UNC93A: variants seen among roughly 807,000 people sequenced by gnomAD.
The protein encoded by UNC93A is unc-93 homolog A.
UNC93A carries 43 observed loss-of-function variants against 47.5 expected under a neutral mutation model. The ratio of observed to expected loss-of-function variants is 0.91; its 90% CI spans 0.71 to 1.17. The LOEUF (loss-of-function observed/expected upper bound fraction) is 1.17, where lower values mean the gene tolerates loss of function less well. Among genes scored for constraint, UNC93A ranks in the 50% most tolerant of loss-of-function variants. The pLI is 0.00. For synonymous variants in UNC93A, 280 were observed against 258.0 expected, an observed-to-expected ratio of 1.09 and a Z score of -0.82; for missense variants, 605 against 577.6, an observed-to-expected ratio of 1.05 and a Z score of -0.49.
chr6:167,309,407 A>T (rs1267357693), intron 7 of UNC93A, among the ~76,000 whole-genome samples: 1 of 151,644 alleles, frequency 6.6e-6, no homozygotes, highest in African/African-American at 2.4e-5. Context: ...TTCCCAAAAA[A>T]CCCCATCTAA....
At chr6:167,304,402 C>T (rs763787789) in intron 5 of UNC93A, among the ~76,000 whole-genome samples, 20 of 152,168 alleles carry the variant, frequency 1.3e-4, no homozygotes, top group African/African-American at 2.7e-4. Flanking sequence ...GGGAAGGAGC[C>T]GGAACAAGTG....
chr6:167,288,347 C>T (rs564833254), upstream of UNC93A, among the ~76,000 whole-genome samples: 7 of 152,194 alleles, frequency 4.6e-5, no homozygotes, highest in East Asian at 7.7e-4. Context: ...CAGGGGAAGG[C>T]GGAGTGGTCA....
upstream of UNC93A, chr6:167,291,281 C>T (rs942634059): frequency 1.6e-5 from 7 of 440,956 alleles, no homozygotes; most frequent in Admixed American, 1.7e-4. Flanking sequence ...ACAGAGCTCC[C>T]GTATGCTTCA....
chr6:167,276,670 C>T (rs771189260), intron 1 of UNC93A, among the ~76,000 whole-genome samples: 6 of 152,110 alleles, frequency 3.9e-5, no homozygotes, highest in African/African-American at 7.2e-5. Flanking sequence ...GCTGTGGGAT[C>T]CAAGGCATGG....
Position 167,315,578 on chromosome 6 carries a change from T to C in UNC93A, c.*126T>C, listed in dbSNP as rs1302964981. The C allele has an allele frequency of 7.0e-6, 9 of 1,285,694 alleles. No individual in the cohort carries two copies. In the East Asian group the frequency reaches 2.2e-4, roughly 31 times the overall value. The allele number at this position is 1,285,694 out of a possible 1,614,324, so 79.6% of individuals were successfully genotyped here. A position where few individuals can be genotyped will look rare whatever the true frequency, so the allele number is the denominator to read the frequency against. On this transcript the variant is annotated 3_prime_UTR_variant, in exon 8 of 8. Coordinates refer to ENST00000230256, the MANE Select transcript of UNC93A (RefSeq NM_018974.4). ...GCACAATTTGGCCATTCTGAAGAGA[T>C]CATGTTATTTCACTCTTCATGTATT...
At chr6:167,292,130 G>T (rs1046448865) in intron 1 of UNC93A, among the ~76,000 whole-genome samples, 1 of 152,150 alleles carries the variant, frequency 6.6e-6, no homozygotes, top group Non-Finnish European at 1.5e-5. Context: ...CATTCATCAT[G>T]TGCACCTAGA....
At chr6:167,273,101 C>T (rs1783476665) in intron 1 of UNC93A, among the ~76,000 whole-genome samples, 1 of 152,200 alleles carries the variant, frequency 6.6e-6, no homozygotes, top group East Asian at 1.9e-4. Flanking sequence ...GAACGTGCTC[C>T]TCTTACTGCC....
intron 1 of UNC93A, 73 bp downstream of exon 1, chr6:167,291,649 G>T: frequency 7.0e-7 from 1 of 1,436,524 alleles, no homozygotes; most frequent in Non-Finnish European, 9.5e-7. Flanking sequence ...AGACAATAAT[G>T]AATTGGAAAT....
At chr6:167,310,528 T>A (rs969963362) in intron 7 of UNC93A, among the ~76,000 whole-genome samples, 1 of 152,292 alleles carries the variant, frequency 6.6e-6, no homozygotes, top group Non-Finnish European at 1.5e-5. Context: ...TAAGGGATGC[T>A]AATTTAAATT....
intron 1 of UNC93A, 51 bp downstream of exon 1, chr6:167,291,627 C>T: frequency 1.3e-6 from 2 of 1,500,204 alleles, no homozygotes; most frequent in East Asian, 2.3e-5. Flanking sequence ...CTCCAAGAAT[C>T]CCTGTGGTCA....
chr6:167,292,860 A>T (rs1395531762), intron 1 of UNC93A, among the ~76,000 whole-genome samples: 3 of 151,954 alleles, frequency 2.0e-5, no homozygotes, highest in Non-Finnish European at 4.4e-5. Flanking sequence ...GCAGAAGGAG[A>T]CCCTGCTGTC....
chr6:167,292,400 A>G (rs1334707941), intron 1 of UNC93A, among the ~76,000 whole-genome samples: 1 of 152,222 alleles, frequency 6.6e-6, no homozygotes, highest in African/African-American at 2.4e-5. Flanking sequence ...TACTGTGTGC[A>G]TAGTATGGAA....
rs149630634 is a variant in UNC93A at position 167,306,369 on chromosome 6, G to T, written c.976+319G>T. Among the ~76,000 whole-genome samples the T allele has an allele frequency of 4.7e-4, 71 of 152,278 alleles. No homozygotes were observed. The Middle Eastern group carries it at 0.014, about 29-fold the overall frequency. ...CAGGGTCTCTGCAGGTGCAAATGAG[G>T]GACACGAAGCCAGTGGTGAGGCCAT... On this transcript the variant is annotated intron_variant, in intron 6 of 7. Coordinates refer to ENST00000230256, the MANE Select transcript of UNC93A (RefSeq NM_018974.4).
At chr6:167,307,404 A>G (rs139208591) in intron 6 of UNC93A, among the ~76,000 whole-genome samples, 130 of 152,210 alleles carry the variant, frequency 8.5e-4, no homozygotes, top group African/African-American at 2.7e-3. Context: ...ACATTGAGAC[A>G]GTTCCAGAGG....
At chr6:167,297,675 C>T (rs183218799) in intron 3 of UNC93A, among the ~76,000 whole-genome samples, 1 of 152,184 alleles carries the variant, frequency 6.6e-6, no homozygotes, top group African/African-American at 2.4e-5. Context: ...AACAAGTAAC[C>T]AGCACTTTTC....
upstream of UNC93A, among the ~76,000 whole-genome samples, chr6:167,288,452 ACACACACACACACACACACAC>A (rs1783780872): frequency 1.4e-5 from 1 of 69,768 alleles, no homozygotes; most frequent in Non-Finnish European, 2.5e-5. Flanking sequence ...TCTTCCTTAC[ACACACACACACACACACACAC>A]ACACACACAC....
At chr6:167,305,299 A>G (rs1302590059) in intron 5 of UNC93A, among the ~76,000 whole-genome samples, 2 of 152,222 alleles carry the variant, frequency 1.3e-5, no homozygotes, top group African/African-American at 4.8e-5. Context: ...AAGAGTAGAA[A>G]CAGGATAACA....
chr6:167,304,631 C>A (rs180925174), intron 5 of UNC93A, among the ~76,000 whole-genome samples: 1 of 151,834 alleles, frequency 6.6e-6, no homozygotes, highest in African/African-American at 2.4e-5. Context: ...AGTGCAATGG[C>A]GCCATCTCAG....
chr6:167,306,215 C>G (rs547031116), intron 6 of UNC93A, among the ~76,000 whole-genome samples, 165 bp downstream of exon 6: 1 of 152,334 alleles, frequency 6.6e-6, no homozygotes, highest in South Asian at 2.1e-4. Context: ...TTCACCCCCT[C>G]AACAAGCAGG....
Sources: gnomAD v4.1 joint callset for allele counts (sites outside exome capture counted in the v4.1 genomes callset) on GRCh38, gnomAD v4.1.1 for gene constraint, MANE v1.5 for transcripts, NCBI Gene and HGNC (gene_info 2026-07-23, HGNC 2026-07-21) for gene names.